Variants in IPO11 observed in about 807,000 individuals in gnomAD.
IPO11 encodes importin-11.
IPO11 carries 66 observed loss-of-function variants against 143.2 expected under a neutral mutation model. That is an observed-to-expected ratio of 0.46 (90% CI 0.38 to 0.57). IPO11 has a LOEUF of 0.57. Ranked by LOEUF, IPO11 falls within the 20% of genes least tolerant of loss-of-function variation. IPO11 has a pLI of 0.00. For synonymous variants in IPO11, 385 were observed against 377.8 expected (o/e 1.02, Z -0.22); for missense variants, 1,026 against 1,141.0 (o/e 0.90, Z 1.45).
At chr5:62,492,828 C>T (rs1450579857) in intron 15 of IPO11, among the ~76,000 whole-genome samples, 2 of 152,258 alleles carry the variant, frequency 1.3e-5, no homozygotes, top group East Asian at 3.9e-4. Flanking sequence ...TAAGCCACTG[C>T]ACCCGGCCCA....
At chr5:62,461,571 G>T (rs1278849034) in intron 5 of IPO11, among the ~76,000 whole-genome samples, 1 of 152,192 alleles carries the variant, frequency 6.6e-6, no homozygotes, top group Non-Finnish European at 1.5e-5. Flanking sequence ...TTTGTGTAGA[G>T]ACCTTTCGTA....
At chr5:62,584,668 A>G (rs1249786989) in intron 27 of IPO11, among the ~76,000 whole-genome samples, 1 of 150,308 alleles carries the variant, frequency 6.7e-6, no homozygotes, top group Non-Finnish European at 1.5e-5. Flanking sequence ...AGCAATAGTA[A>G]CAAGGTAATA....
chr5:62,563,114 G>GA (rs1233346639), intron 27 of IPO11, among the ~76,000 whole-genome samples: 1 of 152,192 alleles, frequency 6.6e-6, no homozygotes, highest in African/African-American at 2.4e-5. Flanking sequence ...TCTTCACTGT[G>GA]AAATGGTGTG....
chr5:62,515,250 T>C (rs908768402), intron 19 of IPO11, 138 bp from the exon 20 acceptor site: 3 of 462,452 alleles, frequency 6.5e-6, no homozygotes, highest in Admixed American at 4.0e-5. Flanking sequence ...TTCTTAAGGG[T>C]ATAAGCTTAA....
At chr5:62,624,520 G>A (rs1278209227) in intron 29 of IPO11, among the ~76,000 whole-genome samples, 1 of 152,218 alleles carries the variant, frequency 6.6e-6, no homozygotes, top group Non-Finnish European at 1.5e-5. Flanking sequence ...TGGCCATCTT[G>A]GTTTTGGTGG....
At chr5:62,561,515 A>C (rs1162451913) in intron 27 of IPO11, among the ~76,000 whole-genome samples, 1 of 151,810 alleles carries the variant, frequency 6.6e-6, no homozygotes, top group Non-Finnish European at 1.5e-5. Flanking sequence ...TTCTTGTCTG[A>C]ATTTCCATTT....
intron 22 of IPO11, 35 bp downstream of exon 22, chr5:62,530,820 G>C: frequency 6.7e-7 from 1 of 1,490,856 alleles, no homozygotes. Flanking sequence ...TAATGTTTTT[G>C]AATGCAACCA....
intron 27 of IPO11, among the ~76,000 whole-genome samples, chr5:62,577,994 C>T (rs1026393539): frequency 2.0e-5 from 3 of 151,850 alleles, no homozygotes; most frequent in African/African-American, 7.3e-5. Context: ...AATTTATATC[C>T]GATTCTTTAA....
chr5:62,613,398 G>A (rs544853700), intron 29 of IPO11, among the ~76,000 whole-genome samples: 5 of 144,442 alleles, frequency 3.5e-5, no homozygotes, highest in African/African-American at 1.0e-4. Context: ...TATCTGATGG[G>A]CTCAAGCCAT....
At chr5:62,557,759 T>C (rs1439176724) in intron 26 of IPO11, among the ~76,000 whole-genome samples, 1 of 152,190 alleles carries the variant, frequency 6.6e-6, no homozygotes, top group Non-Finnish European at 1.5e-5. Flanking sequence ...GGATTAGACA[T>C]TTGGTCTTCT....
chr5:62,549,645 C>G (rs1561358812), intron 24 of IPO11, among the ~76,000 whole-genome samples: 1 of 152,132 alleles, frequency 6.6e-6, no homozygotes, highest in South Asian at 2.1e-4. Context: ...GGTAAATGTC[C>G]TTCTTGGTCC....
chr5:62,427,711 G>A (rs999673571), intron 1 of IPO11, among the ~76,000 whole-genome samples: 5 of 152,184 alleles, frequency 3.3e-5, no homozygotes, highest in African/African-American at 1.2e-4. Context: ...TGGTGGAACA[G>A]TTTCATCCAG....
At chr5:62,552,606 T>A (rs1319778575) in intron 26 of IPO11, among the ~76,000 whole-genome samples, 2 of 152,104 alleles carry the variant, frequency 1.3e-5, no homozygotes, top group African/African-American at 2.4e-5. Flanking sequence ...TAAAAATATT[T>A]AAGAACATAA....
intron 16 of IPO11, among the ~76,000 whole-genome samples, chr5:62,499,201 A>G (rs892397288): frequency 1.8e-4 from 27 of 152,306 alleles, no homozygotes; most frequent in Non-Finnish European, 3.2e-4. Flanking sequence ...GTGCTTTTAC[A>G]CAATCTGAGA....
chr5:62,513,752 G>A (rs369216270), intron 19 of IPO11, among the ~76,000 whole-genome samples: 9,627 of 149,954 alleles, frequency 0.064, 6 homozygotes, highest in African/African-American at 0.19. Flanking sequence ...CCTCCCTCCC[G>A]GACGGGGTGG....
chr5:62,444,498 T>G (rs1341438372), intron 3 of IPO11, among the ~76,000 whole-genome samples: 1 of 152,210 alleles, frequency 6.6e-6, no homozygotes, highest in Non-Finnish European at 1.5e-5. Context: ...CCAGCAGCAC[T>G]TTTCTACTGC....
intron 29 of IPO11, among the ~76,000 whole-genome samples, chr5:62,617,457 C>G (rs1001472202): frequency 6.6e-6 from 1 of 152,124 alleles, no homozygotes; most frequent in African/African-American, 2.4e-5. Flanking sequence ...GAATTAAAGG[C>G]AGTGCTGGAT....
chr5:62,503,619 G>A (rs1165555217), intron 16 of IPO11, among the ~76,000 whole-genome samples: 1 of 152,006 alleles, frequency 6.6e-6, no homozygotes. Flanking sequence ...TTTTGTGGCA[G>A]ATCAAGTGGC....
chr5:62,499,615 G>A (rs186895659), intron 16 of IPO11, among the ~76,000 whole-genome samples: 33 of 120,174 alleles, frequency 2.7e-4, no homozygotes, highest in African/African-American at 3.6e-4. Context: ...TCGCTTTGTC[G>A]CCCAGGCTGG....
Sources: allele counts gnomAD v4.1 joint callset (sites outside exome capture counted in the v4.1 genomes callset), GRCh38; gene constraint gnomAD v4.1.1; transcripts MANE v1.5; gene names NCBI Gene and HGNC (gene_info 2026-07-23, HGNC 2026-07-21).